The following CHM variants were observed in gnomAD, a reference collection of about 807,000 sequenced individuals.
The protein encoded by CHM is CHM Rab escort protein.
In CHM, 10 loss-of-function variants were observed where a neutral mutation model predicts 49.0. The ratio of observed to expected loss-of-function variants is 0.20; its 90% CI spans 0.13 to 0.35. The LOEUF (loss-of-function observed/expected upper bound fraction) is 0.35. Ranked by LOEUF, CHM falls within the 10% of genes least tolerant of loss-of-function variation. The probability of loss-of-function intolerance (pLI) is 1.00; values close to 1 mark genes in which losing one functional copy is unlikely to be tolerated. For missense variants in CHM, 455 were observed against 478.4 expected, an observed-to-expected ratio of 0.95 and a Z score of 0.46; for synonymous variants, 184 against 167.5, an observed-to-expected ratio of 1.10 and a Z score of -0.76.
chrX:85,898,888 G>T (rs752731201), intron 11 of CHM, among the ~76,000 whole-genome samples: 2 of 112,339 alleles, frequency 1.8e-5, no homozygotes, highest in Non-Finnish European at 1.9e-5. Context: ...ACACTGGCTG[G>T]AAGGTAAAAG....
At chrX:86,001,548 A>C (rs1310739059) in intron 2 of CHM, among the ~76,000 whole-genome samples, 1 of 111,323 alleles carries the variant, frequency 9.0e-6, no homozygotes, top group East Asian at 2.8e-4. Flanking sequence ...CAGAAGGTGA[A>C]GGGAAAGCAG....
rs998880764 is a variant in CHM, at chrX:85,861,912, G to A, written c.*2718C>T. On this transcript the variant is annotated 3_prime_UTR_variant, in exon 15 of 15. Coordinates refer to ENST00000357749, the MANE Select transcript of CHM (RefSeq NM_000390.4). ...ATATATTTTATTAATATGATTTCAA[G>A]CTTAAGGTTTTATAACAAGACTTTT... 3 of 111,665 alleles carry A rather than the reference G, an allele frequency of 2.7e-5. No homozygotes were observed. The highest frequency in any genetic ancestry group is 1.9e-4 in the Admixed American group (2 of 10,469). 9.2% of individuals were successfully genotyped at this position (111,665 alleles called of 1,213,427 possible).
chrX:85,904,302 C>G (rs1926463560), intron 9 of CHM, among the ~76,000 whole-genome samples: 2 of 111,244 alleles, frequency 1.8e-5, no homozygotes, highest in Non-Finnish European at 1.9e-5. Flanking sequence ...AATGACCAAG[C>G]TGACCATACA....
chrX:86,011,042 T>A (rs1352109783), intron 2 of CHM, among the ~76,000 whole-genome samples: 6 of 111,694 alleles, frequency 5.4e-5, no homozygotes, highest in African/African-American at 2.0e-4. Flanking sequence ...AACAGCACAG[T>A]GGCTTGGCAC....
chrX:85,972,418 T>C (rs1200918988), intron 4 of CHM, among the ~76,000 whole-genome samples: 1 of 112,966 alleles, frequency 8.9e-6, no homozygotes, highest in Non-Finnish European at 1.9e-5. Flanking sequence ...GGGCGGCATT[T>C]GTCGGGGAGG....
At chrX:85,978,627 T>C in intron 4 of CHM, 140 bp downstream of exon 4, 2 of 529,273 alleles carry the variant, frequency 3.8e-6, no homozygotes, top group South Asian at 5.7e-5. Context: ...AACTGAAAGT[T>C]CCATTTAAAA....
chrX:85,913,014 G>GAAAAAAAAA (rs755460793), intron 8 of CHM, among the ~76,000 whole-genome samples: 1 of 38,253 alleles, frequency 2.6e-5, no homozygotes, highest in Non-Finnish European at 4.6e-5. Flanking sequence ...CTCCATCTCA[G>GAAAAAAAAA]AAAAAAAAAA....
At chrX:85,939,216 C>A (rs1395839430) in intron 8 of CHM, among the ~76,000 whole-genome samples, 1 of 111,940 alleles carries the variant, frequency 8.9e-6, no homozygotes, top group African/African-American at 3.2e-5. Flanking sequence ...TGATGCATTT[C>A]TCAGAATGTA....
At chrX:85,926,741 AT>A (rs1928105617) in intron 8 of CHM, among the ~76,000 whole-genome samples, 1 of 111,781 alleles carries the variant, frequency 8.9e-6, no homozygotes, top group South Asian at 3.7e-4. Flanking sequence ...ATTGAGGAGG[AT>A]AAATGCCTTA....
At chrX:86,026,272 C>T (rs755822434) in intron 2 of CHM, among the ~76,000 whole-genome samples, 1 of 106,126 alleles carries the variant, frequency 9.4e-6, no homozygotes, top group Non-Finnish European at 1.9e-5. Flanking sequence ...TACAAGCATG[C>T]ACCACCACGC....
intron 8 of CHM, among the ~76,000 whole-genome samples, chrX:85,913,978 A>G (rs1380797841): frequency 9.0e-6 from 1 of 111,455 alleles, no homozygotes; most frequent in Non-Finnish European, 1.9e-5. Flanking sequence ...AGAAGACTCC[A>G]TGGGGTTGCC....
At chrX:85,876,566 G>A (rs1258635249) in intron 13 of CHM, among the ~76,000 whole-genome samples, 1 of 110,990 alleles carries the variant, frequency 9.0e-6, no homozygotes, top group African/African-American at 3.3e-5. Context: ...ACCTGCTATG[G>A]CCCAGTGCTC....
intron 10 of CHM, 46 bp downstream of exon 10, chrX:85,901,038 G>T: frequency 2.3e-6 from 2 of 872,380 alleles, no homozygotes; most frequent in Non-Finnish European, 1.7e-6. Context: ...ACACAGGAAT[G>T]TCAATAAAAT....
chrX:86,025,931 C>A (rs1356503840), intron 2 of CHM, among the ~76,000 whole-genome samples: 1 of 109,890 alleles, frequency 9.1e-6, no homozygotes, highest in African/African-American at 3.3e-5. Context: ...TTGACTAGCA[C>A]GTAGTGCAAG....
chrX:86,040,025 C>T (rs975057991), intron 1 of CHM, among the ~76,000 whole-genome samples: 1 of 111,861 alleles, frequency 8.9e-6, no homozygotes, highest in Admixed American at 9.5e-5. Flanking sequence ...TCCTGGATGC[C>T]GGACAAGAGC....
At chrX:85,943,885 AT>A (rs1929263095) in intron 8 of CHM, among the ~76,000 whole-genome samples, 1 of 110,902 alleles carries the variant, frequency 9.0e-6, no homozygotes, top group Non-Finnish European at 1.9e-5. Context: ...ATCAACTTTA[AT>A]TTTTTTTGTA....
At chrX:85,950,650 T>C (rs1929696358) in intron 8 of CHM, among the ~76,000 whole-genome samples, 2 of 111,712 alleles carry the variant, frequency 1.8e-5, no homozygotes, top group Non-Finnish European at 3.8e-5. Flanking sequence ...TATAAAGATA[T>C]TGGCTGATAA....
intron 13 of CHM, among the ~76,000 whole-genome samples, chrX:85,877,078 T>G (rs1037870902): frequency 1.8e-5 from 2 of 111,419 alleles, no homozygotes; most frequent in African/African-American, 6.5e-5. Flanking sequence ...GACTCCATAT[T>G]AGATTTAGGA....
rs771806748 is a variant in CHM, at chrX:85,963,940, C to A, written c.427G>T (p.Asp143Tyr). 1.5e-5 allele frequency: 18 copies of A among 1,210,869 alleles called. No individual in the cohort carries two copies. In the South Asian group the frequency reaches 3.0e-4, roughly 20 times the overall value. The change falls in exon 5 of 15, where the codon GAT becomes TAT. Residue 143 changes from aspartate (D) to tyrosine (Y), a missense_variant. Transcript: ENST00000357749. ...AADSAFLPTE[D>Y]ESLSTMSCEM... ...CAGCTCATAGTGCTTAATGACTCAT[C>A]CTCCGTAGGCAGGAAGGCAGAATCT...
Sources: gnomAD v4.1 joint callset for allele counts (sites outside exome capture counted in the v4.1 genomes callset) on GRCh38, gnomAD v4.1.1 for gene constraint, MANE v1.5 for transcripts, NCBI Gene and HGNC (gene_info 2026-07-23, HGNC 2026-07-21) for gene names.